The following PLCG2 variants were observed in gnomAD, a reference collection of about 807,000 sequenced individuals.
PLCG2 encodes the protein 1-phosphatidylinositol 4,5-bisphosphate phosphodiesterase gamma-2.
PLCG2 carries 69 observed loss-of-function variants against 175.6 expected under a neutral mutation model. That is an observed-to-expected ratio of 0.39 (90% CI 0.32 to 0.48). PLCG2 has a LOEUF of 0.48. PLCG2 is among the 20% of genes least tolerant of loss of function. The probability of loss-of-function intolerance (pLI) is 0.91; values close to 1 mark genes in which losing one functional copy is unlikely to be tolerated. For missense variants in PLCG2, 1,798 were observed against 1,650.9 expected (o/e 1.09, Z -1.54); for synonymous variants, 827 against 624.0 (o/e 1.33, Z -4.85).
intron 2 of PLCG2, among the ~76,000 whole-genome samples, chr16:81,826,470 G>A (rs1464084334): frequency 2.6e-5 from 4 of 152,216 alleles, no homozygotes; most frequent in African/African-American, 9.7e-5. Context: ...GTGTGCCTCA[G>A]TCTCCTCACT....
intron 2 of PLCG2, among the ~76,000 whole-genome samples, chr16:81,853,156 C>T (rs1418300929): frequency 1.3e-5 from 2 of 152,084 alleles, no homozygotes; most frequent in Non-Finnish European, 2.9e-5. Context: ...CATGATGAAA[C>T]CCCATCTCTA....
At chr16:81,829,008 C>T (rs1036889535) in intron 2 of PLCG2, among the ~76,000 whole-genome samples, 1 of 152,198 alleles carries the variant, frequency 6.6e-6, no homozygotes, top group Non-Finnish European at 1.5e-5. Flanking sequence ...GTCAGAAAAG[C>T]ACAGGACCTG....
intron 21 of PLCG2, 126 bp from the exon 22 acceptor site, chr16:81,923,359 C>T (rs919198180): frequency 6.5e-6 from 4 of 612,454 alleles, no homozygotes; most frequent in Non-Finnish European, 1.2e-5. Flanking sequence ...CAGCAGATGA[C>T]TTTGTAACCT....
chr16:81,849,763 C>A (rs1198203923), intron 2 of PLCG2, among the ~76,000 whole-genome samples: 1 of 92,684 alleles, frequency 1.1e-5, no homozygotes, highest in Non-Finnish European at 2.0e-5. Context: ...AAGAGCAAAA[C>A]TCTGTCTCAA....
At chr16:81,791,019 A>G (rs561331411) in intron 2 of PLCG2, among the ~76,000 whole-genome samples, 5 of 152,186 alleles carry the variant, frequency 3.3e-5, no homozygotes, top group African/African-American at 1.2e-4. Context: ...GTCACTGGGT[A>G]AAATAGGGTT....
At chr16:81,783,971 T>A (rs1029556896) in intron 1 of PLCG2, among the ~76,000 whole-genome samples, 1 of 152,198 alleles carries the variant, frequency 6.6e-6, no homozygotes, top group East Asian at 1.9e-4. Context: ...GCCCTTTAAG[T>A]GCCTAGCCAC....
At chr16:81,788,845 C>A (rs1052477614) in intron 2 of PLCG2, among the ~76,000 whole-genome samples, 1 of 152,196 alleles carries the variant, frequency 6.6e-6, no homozygotes, top group Non-Finnish European at 1.5e-5. Flanking sequence ...GCCGGCTCCA[C>A]CCCCAGGTGG....
chr16:81,905,282 C>G, intron 14 of PLCG2, 121 bp from the exon 15 acceptor site: 1 of 684,298 alleles, frequency 1.5e-6, no homozygotes, highest in Non-Finnish European at 2.6e-6. Flanking sequence ...AGAGGGAAGC[C>G]AGGCAGCAAG....
At chr16:81,764,828 T>A (rs182386500) in intron 2 of PLCG2, among the ~76,000 whole-genome samples, 13 of 152,020 alleles carry the variant, frequency 8.6e-5, no homozygotes, top group Non-Finnish European at 1.6e-4. Context: ...GGTGGTTCAA[T>A]CCCGTAATCC....
intron 26 of PLCG2, among the ~76,000 whole-genome samples, chr16:81,934,856 A>C (rs1462990630): frequency 6.6e-6 from 1 of 152,196 alleles, no homozygotes; most frequent in East Asian, 1.9e-4. Flanking sequence ...GAAGCAAGTG[A>C]AAGGGGAAAC....
intron 2 of PLCG2, among the ~76,000 whole-genome samples, chr16:81,817,358 A>G (rs1434574876): frequency 6.6e-6 from 1 of 152,278 alleles, no homozygotes; most frequent in African/African-American, 2.4e-5. Flanking sequence ...TGAAGCACCT[A>G]TCTTCCACTA....
chr16:81,778,981 G>T (rs1318960781), upstream of PLCG2, among the ~76,000 whole-genome samples: 4 of 152,120 alleles, frequency 2.6e-5, no homozygotes, highest in African/African-American at 9.7e-5. Context: ...TAAGTATACG[G>T]CAAACACCTG....
At chr16:81,920,898 C>T (rs775630147) in intron 20 of PLCG2, among the ~76,000 whole-genome samples, 5 of 152,124 alleles carry the variant, frequency 3.3e-5, no homozygotes, top group Admixed American at 2.6e-4. Flanking sequence ...TTTTGTGAGC[C>T]GGGAGGTCAC....
intron 7 of PLCG2, among the ~76,000 whole-genome samples, chr16:81,877,157 TTAAAAA>T (rs771605301): frequency 9.2e-5 from 14 of 152,156 alleles, no homozygotes; most frequent in Non-Finnish European, 1.9e-4. Context: ...AACTCGTGGC[TTAAAAA>T]TAACAGAAGT....
At chr16:81,857,665 C>T (rs928387926) in intron 3 of PLCG2, among the ~76,000 whole-genome samples, 3 of 152,114 alleles carry the variant, frequency 2.0e-5, no homozygotes, top group Non-Finnish European at 4.4e-5. Context: ...AGGCATTAAT[C>T]CCCTCATGGA....
At chr16:81,904,387 C>T (rs1909275534) in intron 14 of PLCG2, among the ~76,000 whole-genome samples, 2 of 152,242 alleles carry the variant, frequency 1.3e-5, no homozygotes, top group South Asian at 4.1e-4. Context: ...CACCAGGTTA[C>T]ATGACCCTCA....
At chr16:81,908,277 C>G in intron 16 of PLCG2, 139 bp from the exon 17 acceptor site, 1 of 722,290 alleles carries the variant, frequency 1.4e-6, no homozygotes, top group Non-Finnish European at 2.3e-6. Flanking sequence ...TTCCCATACC[C>G]CTTCGGGTGG....
chr16:81,805,695 C>G (rs1911973943), intron 2 of PLCG2, among the ~76,000 whole-genome samples: 1 of 149,420 alleles, frequency 6.7e-6, no homozygotes, highest in African/African-American at 2.5e-5. Flanking sequence ...CTGGCTGCTT[C>G]TGGACCACTG....
intron 2 of PLCG2, among the ~76,000 whole-genome samples, chr16:81,807,315 C>T (rs1417250335): frequency 1.3e-5 from 2 of 152,138 alleles, no homozygotes; most frequent in African/African-American, 4.8e-5. Flanking sequence ...GGGATTGGGG[C>T]AGTGTGCATC....
Sources: gnomAD v4.1 joint callset for allele counts (sites outside exome capture counted in the v4.1 genomes callset) on GRCh38, gnomAD v4.1.1 for gene constraint, MANE v1.5 for transcripts, NCBI Gene and HGNC (gene_info 2026-07-23, HGNC 2026-07-21) for gene names.